The following KIF15 variants were observed in gnomAD, a reference collection of about 807,000 sequenced individuals.
KIF15 encodes kinesin family member 15.
In KIF15, 140 loss-of-function variants were observed where a neutral mutation model predicts 190.6. The ratio of observed to expected loss-of-function variants is 0.73; its 90% CI spans 0.64 to 0.84. KIF15 has a LOEUF of 0.84. Among genes scored for constraint, KIF15 ranks in the 40% least tolerant of loss-of-function variants. The pLI, the probability that KIF15 is intolerant of heterozygous loss-of-function variation, is 0.00. For synonymous variants in KIF15, 528 were observed against 551.3 expected (o/e 0.96, Z 0.59); for missense variants, 1,372 against 1,584.4 (o/e 0.87, Z 2.28).
intron 20 of KIF15, among the ~76,000 whole-genome samples, chr3:44,816,399 C>T (rs914953969): frequency 5.3e-5 from 8 of 151,854 alleles, no homozygotes; most frequent in African/African-American, 1.9e-4. Context: ...CCCAGCCCCC[C>T]ACCCCTTGAC....
chr3:44,812,811 C>T (rs1474763304), intron 18 of KIF15, among the ~76,000 whole-genome samples: 4 of 152,078 alleles, frequency 2.6e-5, no homozygotes, highest in African/African-American at 9.7e-5. Context: ...GTGGCGAAAC[C>T]CCGTCTCTAC....
intron 22 of KIF15, among the ~76,000 whole-genome samples, chr3:44,826,669 T>G (rs1432079486): frequency 2.0e-5 from 3 of 152,228 alleles, no homozygotes; most frequent in South Asian, 2.1e-4. Flanking sequence ...TACTTTTAAA[T>G]GAATAGCAAT....
At chr3:44,855,420 CTGGATATATA>C (rs1699178856), downstream of KIF15, among the ~76,000 whole-genome samples, 1 of 152,188 alleles carries the variant, frequency 6.6e-6, no homozygotes, top group Non-Finnish European at 1.5e-5. Flanking sequence ...CTCAGGCCAT[CTGGATATATA>C]TGTGCAGGTC....
chr3:44,794,915 T>C (rs1706901349), intron 8 of KIF15, among the ~76,000 whole-genome samples: 1 of 152,002 alleles, frequency 6.6e-6, no homozygotes, highest in South Asian at 2.1e-4. Flanking sequence ...TGAGCTGAGA[T>C]CGCGCCACTG....
chr3:44,786,031 A>G (rs1362553041), intron 6 of KIF15, among the ~76,000 whole-genome samples: 2 of 152,164 alleles, frequency 1.3e-5, no homozygotes, highest in Admixed American at 6.6e-5. Flanking sequence ...CCTGGCTAAC[A>G]CAGTGAAACC....
intron 26 of KIF15, among the ~76,000 whole-genome samples, chr3:44,836,307 G>A (rs1698317655): frequency 6.6e-6 from 1 of 152,008 alleles, no homozygotes; most frequent in African/African-American, 2.4e-5. Context: ...AGTTAGATGA[G>A]ATCACGCCAC....
Position 44,801,483 on chromosome 3 carries a change from A to G in KIF15, c.1256A>G (p.Gln419Arg). The G allele has an allele frequency of 6.3e-7, 1 of 1,576,266 alleles. No individual in the cohort carries two copies. The highest frequency in any genetic ancestry group is 8.7e-7 in the Non-Finnish European group (1 of 1,146,164). Residue 419 changes from glutamine to arginine, a missense_variant, in exon 12 of 35, where the codon CAG becomes CGG. Physicochemically the swap from Gln to Arg is conservative, Grantham distance 43. Coordinates refer to ENST00000326047, the MANE Select transcript of KIF15 (RefSeq NM_020242.3). ...AAGACTAACTATATGGAGTATTTCC[A>G]GGAAGCAATGTTATTCTTTAAGAAA... ...KKKTNYMEYFQEAMLFFKKSE... is the reference protein window; with the variant it reads ...KKKTNYMEYFREAMLFFKKSE...
At chr3:44,761,944 G>A in intron 1 of KIF15, 60 bp downstream of exon 1, 1 of 1,610,958 alleles carries the variant, frequency 6.2e-7, no homozygotes, top group Non-Finnish European at 8.5e-7. Flanking sequence ...GCTGTGAAAG[G>A]ATGGCAGCCT....
In KIF15 at chr3:44,797,671, C is replaced by T. The variant is rs1168770392; in HGVS notation, c.970C>T (p.Leu324=). 6.2e-7 allele frequency: 1 copy of T among 1,613,938 alleles called. No individual in the cohort carries two copies. The highest frequency in any genetic ancestry group is 1.7e-5 in the Admixed American group (1 of 59,960). The change falls in exon 9 of 35, where the codon CTA becomes TTA. Residue 324 remains leucine, a synonymous_variant. Transcript: ENST00000326047. The stretch of plus-strand genomic sequence containing the variant: ...CAGAGACTCCAAACTTACCTTCTTA[C>T]TACGGGTAAAGTAGATCCTTGGGTT... The part of the protein sequence containing the change: ...CYRDSKLTFL[L]RDSLGGNAKT...
chr3:44,861,237 C>T (rs986350728), intron 6 of KIF15, among the ~76,000 whole-genome samples: 28 of 151,752 alleles, frequency 1.8e-4, no homozygotes, highest in African/African-American at 6.5e-4. Flanking sequence ...GTGATCCACC[C>T]GCCTCGGCCT....
intron 30 of KIF15, among the ~76,000 whole-genome samples, chr3:44,845,358 G>A (rs1698795951): frequency 6.6e-6 from 1 of 152,086 alleles, no homozygotes; most frequent in South Asian, 2.1e-4. Flanking sequence ...TGGATATGGG[G>A]GCAGCAGGGA....
At chr3:44,809,185 G>C (rs956796927) in intron 16 of KIF15, among the ~76,000 whole-genome samples, 3 of 152,070 alleles carry the variant, frequency 2.0e-5, no homozygotes, top group South Asian at 4.1e-4. Flanking sequence ...ATGAGATCTT[G>C]TTGTTAAGGT....
chr3:44,795,256 G>A (rs1451591108), intron 8 of KIF15, among the ~76,000 whole-genome samples: 2 of 152,148 alleles, frequency 1.3e-5, no homozygotes, highest in African/African-American at 4.8e-5. Context: ...AAGGATTTCG[G>A]TAGGGAGAGA....
At chr3:44,767,842 C>T (rs1045989801) in intron 1 of KIF15, among the ~76,000 whole-genome samples, 6 of 131,014 alleles carry the variant, frequency 4.6e-5, no homozygotes, top group South Asian at 2.4e-4. Context: ...TTGCAGTGAG[C>T]GGAGATTGCG....
chr3:44,856,783 C>T (rs7644166), downstream of KIF15, among the ~76,000 whole-genome samples: 3 of 152,104 alleles, frequency 2.0e-5, no homozygotes, highest in Non-Finnish European at 4.4e-5. Context: ...TTAAGGAGGC[C>T]TTAATGATGG....
intron 26 of KIF15, among the ~76,000 whole-genome samples, chr3:44,837,755 G>T (rs1335893397): frequency 6.6e-6 from 1 of 152,136 alleles, no homozygotes; most frequent in Non-Finnish European, 1.5e-5. Context: ...GCAACCTATA[G>T]GACTTCTAAT....
chr3:44,794,395 A>G lies in KIF15; in HGVS notation c.818A>G (p.Lys273Arg). ...LVDLAGSERQ[K>R]DTHAEGMRLK... ...GATTTAGCAGGATCTGAAAGGCAAA[A>G]AGATACCCATGCAGAAGGGATGAGA... The change falls in exon 8 of 35, where the codon AAA becomes AGA. Residue 273 changes from lysine to arginine, a missense_variant. By Grantham distance (26) the Lys-to-Arg change is conservative. Transcript: ENST00000326047. The G allele has an allele frequency of 6.2e-7, 1 of 1,610,460 alleles. No homozygotes were observed. Among genetic ancestry groups the G allele is most frequent in the Non-Finnish European group, 8.5e-7 (1 of 1,177,936 alleles).
chr3:44,790,339 G>A (rs62244226), intron 7 of KIF15, among the ~76,000 whole-genome samples: 65,301 of 151,756 alleles, frequency 0.43, 15,575 homozygotes, highest in East Asian at 0.82. Flanking sequence ...CACCACACCC[G>A]GCTAAATTTT....
intron 14 of KIF15, among the ~76,000 whole-genome samples, chr3:44,803,317 A>C (rs919637057): frequency 6.6e-6 from 1 of 152,218 alleles, no homozygotes; most frequent in African/African-American, 2.4e-5. Flanking sequence ...AAAGTCTTTA[A>C]CTAATCAAAC....
Sources: allele counts gnomAD v4.1 joint callset (sites outside exome capture counted in the v4.1 genomes callset), GRCh38; gene constraint gnomAD v4.1.1; transcripts MANE v1.5; gene names NCBI Gene and HGNC (gene_info 2026-07-23, HGNC 2026-07-21).